NAV2: variants seen among roughly 807,000 people sequenced by gnomAD.
NAV2 encodes the protein neuron navigator 2, also known as helicase, APC down-regulated 1.
A neutral mutation model predicts 223.2 loss-of-function variants in NAV2; 54 were observed. The observed-to-expected ratio is 0.24, with a 90% CI of 0.19 to 0.30. The LOEUF (loss-of-function observed/expected upper bound fraction) is 0.30. Among genes scored for constraint, NAV2 ranks in the 10% least tolerant of loss-of-function variants. The pLI is 1.00. For synonymous variants in NAV2, 1,279 were observed against 1,239.3 expected (o/e 1.03, Z -0.67); for missense variants, 2,806 against 3,147.5 (o/e 0.89, Z 2.60).
At chr11:20,063,073 A>G (rs2058810328) in intron 20 of NAV2, among the ~76,000 whole-genome samples, 1 of 152,250 alleles carries the variant, frequency 6.6e-6, no homozygotes, top group African/African-American at 2.4e-5. Flanking sequence ...AAATGTTATA[A>G]AGATTACATT....
chr11:19,844,011 T>A (rs2060646740), intron 3 of NAV2, among the ~76,000 whole-genome samples: 1 of 152,158 alleles, frequency 6.6e-6, no homozygotes, highest in Non-Finnish European at 1.5e-5. Flanking sequence ...TTTTCCAGTT[T>A]ATATTCTGAA....
rs2060980781 is a variant in NAV2, at chr11:20,093,155, G to C, written c.5872G>C (p.Val1958Leu). The C allele has an allele frequency of 6.2e-7, 1 of 1,614,136 alleles. No individual in the cohort carries two copies. The highest frequency in any genetic ancestry group is 1.3e-5 in the African/African-American group (1 of 75,030). ...CSARKEGGRHVKIVVSFQEEM... is the reference protein window; with the variant it reads ...CSARKEGGRHLKIVVSFQEEM... ...GGCTCGGAAGGAAGGAGGCAGGCAT[G>C]TTAAGATAGTTGTCAGCTTTCAGGA... is the stretch of plus-strand genomic sequence containing the variant. Residue 1958 changes from valine to leucine, a missense_variant, in exon 29 of 38, where the codon GTT becomes CTT. Physicochemically the swap from Val to Leu is conservative, Grantham distance 32 (BLOSUM62 1). Coordinates refer to ENST00000349880, the MANE Select transcript of NAV2 (RefSeq NM_145117.5).
At position 19,775,688 on chromosome 11, in the gene NAV2, C is replaced by T. The variant is rs149509493; in HGVS notation, c.268-56796C>T. 2.1e-3 allele frequency among the ~76,000 whole-genome samples: 314 copies of T among 152,192 alleles called. 1 individual carries two copies. Among genetic ancestry groups the T allele is most frequent in the African/African-American group, 6.9e-3 (288 of 41,506 alleles). ...AATGGAGTGGAAGAGAGTGTGGGAACGAGAAGTTTCAACATTAGGAGTCAG... is the reference window on the plus strand; with the variant it reads ...AATGGAGTGGAAGAGAGTGTGGGAATGAGAAGTTTCAACATTAGGAGTCAG... On this transcript the variant is annotated intron_variant, in intron 1 of 37. Transcript: ENST00000349880.
At chr11:19,970,185 T>C (rs2049111224) in intron 10 of NAV2, among the ~76,000 whole-genome samples, 1 of 152,170 alleles carries the variant, frequency 6.6e-6, no homozygotes, top group Admixed American at 6.5e-5. Context: ...TTTGTTTTTA[T>C]TGAGACAGAG....
intron 36 of NAV2, among the ~76,000 whole-genome samples, chr11:20,108,700 C>A (rs1301760119): frequency 6.6e-6 from 1 of 151,888 alleles, no homozygotes; most frequent in African/African-American, 2.4e-5. Flanking sequence ...AATTCACCCA[C>A]CTTGGCCTCC....
intron 1 of NAV2, among the ~76,000 whole-genome samples, chr11:19,553,083 C>T (rs1042867168): frequency 4.6e-5 from 7 of 152,198 alleles, no homozygotes; most frequent in African/African-American, 1.7e-4. Context: ...TACATTTGTG[C>T]AGGAAAATGT....
intron 1 of NAV2, among the ~76,000 whole-genome samples, chr11:19,426,315 C>T (rs1850823833): frequency 6.6e-6 from 1 of 152,186 alleles, no homozygotes. Flanking sequence ...GGCTGGCAGT[C>T]TCCAGAGGAA....
intron 11 of NAV2, among the ~76,000 whole-genome samples, chr11:20,007,641 G>A (rs1028644895): frequency 6.6e-6 from 1 of 152,220 alleles, no homozygotes; most frequent in Non-Finnish European, 1.5e-5. Flanking sequence ...GGTTGGCTGG[G>A]GGACAAAAGC....
intron 8 of NAV2, among the ~76,000 whole-genome samples, chr11:19,944,040 A>G (rs1273050909): frequency 6.6e-6 from 1 of 152,006 alleles, no homozygotes; most frequent in African/African-American, 2.4e-5. Context: ...TCTACTAAAA[A>G]CAAAAAAAAA....
chr11:19,979,674 T>C (rs964586273), intron 10 of NAV2, among the ~76,000 whole-genome samples: 3 of 152,202 alleles, frequency 2.0e-5, no homozygotes, highest in African/African-American at 7.2e-5. Context: ...TAGTCCCTAG[T>C]AGGTTTTGAG....
intron 1 of NAV2, among the ~76,000 whole-genome samples, chr11:19,631,741 C>T (rs1872803): frequency 6.6e-6 from 1 of 152,172 alleles, no homozygotes; most frequent in East Asian, 1.9e-4. Flanking sequence ...GGCTGTGGTG[C>T]CCACTAGTGT....
Position 20,077,562 on chromosome 11 carries a change from T to C in NAV2, c.4994T>C (p.Val1665Ala). ...TGTCTTCCCCTCCAGGCTCACCTTG[T>C]GGCAGCCTTTGAACAGAGTCTTGGT... Reference protein sequence around the residue: ...TTQLTANAHLVAAFEQSLGNM... With the variant: ...TTQLTANAHLAAAFEQSLGNM... Residue 1665 changes from valine to alanine, a missense_variant, in exon 23 of 38, where the codon GTG becomes GCG. By Grantham distance (64) the Val-to-Ala change is moderately conservative (BLOSUM62 0). Transcript: ENST00000349880. 1 of 1,613,778 alleles carries C rather than the reference T, an allele frequency of 6.2e-7. No individual in the cohort carries two copies. The highest frequency in any genetic ancestry group is 8.5e-7 in the Non-Finnish European group (1 of 1,179,674).
chr11:19,501,477 A>G (rs1397261927), intron 1 of NAV2, among the ~76,000 whole-genome samples: 2 of 152,062 alleles, frequency 1.3e-5, no homozygotes, highest in African/African-American at 4.8e-5. Context: ...CCACAACTCC[A>G]CTGGTTGTAA....
chr11:19,503,840 T>A (rs2043036134), intron 1 of NAV2: 1 of 152,290 alleles, frequency 6.6e-6, no homozygotes. Context: ...AATTAAAAAT[T>A]TCTGCTCTGT....
chr11:19,510,678 T>C (rs1159712064), intron 1 of NAV2, among the ~76,000 whole-genome samples: 1 of 152,252 alleles, frequency 6.6e-6, no homozygotes, highest in Non-Finnish European at 1.5e-5. Flanking sequence ...TGCCTGTGTA[T>C]TGTGGCAGGG....
intron 1 of NAV2, among the ~76,000 whole-genome samples, chr11:19,706,253 T>A (rs1403011477): frequency 2.6e-5 from 4 of 152,210 alleles, no homozygotes; most frequent in Admixed American, 2.6e-4. Context: ...TTTCCTCTAA[T>A]CCTTTGTGGG....
chr11:19,918,862 C>T (rs1424343789), intron 6 of NAV2, among the ~76,000 whole-genome samples: 1 of 152,246 alleles, frequency 6.6e-6, no homozygotes, highest in Non-Finnish European at 1.5e-5. Flanking sequence ...TTGTGATCCA[C>T]AGGTCCGTAA....
chr11:19,505,823 A>G (rs768290027), intron 1 of NAV2: 1 of 152,216 alleles, frequency 6.6e-6, no homozygotes, highest in Admixed American at 6.5e-5. Context: ...TGGGGCAAAA[A>G]TTGAAAGTGA....
intron 25 of NAV2, 136 bp downstream of exon 25, chr11:20,080,345 G>C (rs2060012780): frequency 1.3e-6 from 1 of 782,582 alleles, no homozygotes; most frequent in African/African-American, 1.7e-5. Context: ...CCCAGGAAAT[G>C]GTTTGTGGAT....
Sources: gnomAD v4.1 joint callset for allele counts (sites outside exome capture counted in the v4.1 genomes callset) on GRCh38, gnomAD v4.1.1 for gene constraint, MANE v1.5 for transcripts, NCBI Gene and HGNC (gene_info 2026-07-23, HGNC 2026-07-21) for gene names.